Variants in PPP6R3 observed in about 807,000 individuals in gnomAD.
PPP6R3 encodes the protein protein phosphatase 6 regulatory subunit 3, also known as serine/threonine-protein phosphatase 6 regulatory subunit 3.
Under a neutral mutation model 110.7 loss-of-function variants are expected in PPP6R3, and 38 were observed. The ratio of observed to expected loss-of-function variants is 0.34; its 90% CI spans 0.26 to 0.45. The LOEUF is 0.45. PPP6R3 is among the 20% of genes least tolerant of loss of function. The pLI, the probability that PPP6R3 is intolerant of heterozygous loss-of-function variation, is 1.00. For missense variants in PPP6R3, 870 were observed against 1,062.4 expected, an observed-to-expected ratio of 0.82 and a Z score of 2.52; for synonymous variants, 369 against 373.5, an observed-to-expected ratio of 0.99 and a Z score of 0.14.
chr11:68,576,410 G>A (rs897701071), intron 14 of PPP6R3, among the ~76,000 whole-genome samples: 22 of 152,168 alleles, frequency 1.4e-4, no homozygotes, highest in African/African-American at 4.3e-4. Flanking sequence ...TTAGGAAAGC[G>A]AAAGATTCAG....
chr11:68,492,860 G>C (rs1327848028), intron 1 of PPP6R3, among the ~76,000 whole-genome samples: 2 of 152,126 alleles, frequency 1.3e-5, no homozygotes, highest in African/African-American at 4.8e-5. Flanking sequence ...AATCCAGGGA[G>C]GTTTTCTTTA....
intron 1 of PPP6R3, among the ~76,000 whole-genome samples, chr11:68,488,451 G>A (rs558000369): frequency 5.3e-4 from 80 of 152,256 alleles, no homozygotes; most frequent in Non-Finnish European, 5.9e-4. Flanking sequence ...TGGGATTATA[G>A]GTGTGAGCCC....
At chr11:68,531,713 C>T (rs1403474016) in intron 2 of PPP6R3, among the ~76,000 whole-genome samples, 1 of 152,156 alleles carries the variant, frequency 6.6e-6, no homozygotes, top group Admixed American at 6.5e-5. Context: ...TTCTGTTTGC[C>T]TGAGTGTGTG....
At chr11:68,485,466 T>C (rs1464728711) in intron 1 of PPP6R3, among the ~76,000 whole-genome samples, 3 of 152,174 alleles carry the variant, frequency 2.0e-5, no homozygotes, top group Non-Finnish European at 2.9e-5. Flanking sequence ...TTCCTGATCT[T>C]AGTGGGAAAG....
At chr11:68,473,223 G>A (rs1311992846) in intron 1 of PPP6R3, among the ~76,000 whole-genome samples, 1 of 152,214 alleles carries the variant, frequency 6.6e-6, no homozygotes, top group African/African-American at 2.4e-5. Context: ...CCAGCCTTCA[G>A]TGAGAGGAGA....
chr11:68,512,000 G>T (rs914950223), intron 1 of PPP6R3, among the ~76,000 whole-genome samples: 6 of 151,944 alleles, frequency 3.9e-5, no homozygotes, highest in African/African-American at 1.5e-4. Flanking sequence ...GTGTTACCTT[G>T]TTGCTCTCCT....
intron 1 of PPP6R3, among the ~76,000 whole-genome samples, chr11:68,515,403 C>A (rs539522954): frequency 6.6e-6 from 1 of 152,320 alleles, no homozygotes; most frequent in Admixed American, 6.5e-5. Context: ...ATGGCTGGGA[C>A]AAAGAACCAG....
Position 68,517,448 on chromosome 11 carries a change from C to G in PPP6R3, c.-157-2053C>G, listed in dbSNP as rs574937419. ...CTAAGACCTTCATTTTAAATTACATCCCCCACTAAAAGGAACCAAGACTCC... is the reference window on the plus strand; with the variant it reads ...CTAAGACCTTCATTTTAAATTACATGCCCCACTAAAAGGAACCAAGACTCC... On this transcript the variant is annotated intron_variant, in intron 1 of 23. Coordinates refer to ENST00000393800, the MANE Select transcript of PPP6R3 (RefSeq NM_001164161.2). Among the ~76,000 whole-genome samples the G allele has an allele frequency of 2.6e-5, 4 of 152,252 alleles. No homozygotes were observed. The South Asian group carries it at 8.3e-4, about 32-fold the overall frequency.
Position 68,595,206 on chromosome 11 carries a change from T to A in PPP6R3, c.1917-891T>A, listed in dbSNP as rs1167851058. On this transcript the variant is annotated intron_variant, in intron 18 of 23. Coordinates refer to ENST00000393800, the MANE Select transcript of PPP6R3 (RefSeq NM_001164161.2). ...AACACAATACATAAAAATAATTTTTTTTTTTTTTTTTTTTTTTTTTTTTTT... is the reference window on the plus strand; with the variant it reads ...AACACAATACATAAAAATAATTTTTATTTTTTTTTTTTTTTTTTTTTTTTT... Among the ~76,000 whole-genome samples the A allele has an allele frequency of 4.9e-5, 3 of 61,122 alleles. 1 individual carries two copies. The highest frequency in any genetic ancestry group is 2.5e-4 in the African/African-American group (2 of 8,048). 40.1% of individuals were successfully genotyped at this position (61,122 alleles called of 152,430 possible).
At chr11:68,535,857 TA>T (rs1250410738) in intron 2 of PPP6R3, among the ~76,000 whole-genome samples, 1 of 148,908 alleles carries the variant, frequency 6.7e-6, no homozygotes, top group Non-Finnish European at 1.5e-5. Flanking sequence ...TAATCCTAGC[TA>T]CTTGGGAGGC....
At chr11:68,571,224 T>C (rs1465146759) in intron 12 of PPP6R3, 120 bp downstream of exon 12, 2 of 1,286,992 alleles carry the variant, frequency 1.6e-6, no homozygotes, top group Non-Finnish European at 1.0e-6. Context: ...CATTTTACAA[T>C]TTAAACTTTT....
At chr11:68,536,138 A>G (rs923313307) in intron 2 of PPP6R3, among the ~76,000 whole-genome samples, 3 of 152,160 alleles carry the variant, frequency 2.0e-5, no homozygotes, top group Non-Finnish European at 4.4e-5. Flanking sequence ...CAGTGTTTAT[A>G]CTAGCAGTGT....
chr11:68,558,702 A>G, intron 8 of PPP6R3, 23 bp downstream of exon 8: 1 of 1,523,122 alleles, frequency 6.6e-7, no homozygotes, highest in Non-Finnish European at 9.1e-7. Flanking sequence ...TATATCTTAC[A>G]AAATGAACCA....
chr11:68,603,149 C>T (rs2099636879), intron 21 of PPP6R3, among the ~76,000 whole-genome samples, 193 bp from the exon 22 acceptor site: 1 of 148,338 alleles, frequency 6.7e-6, no homozygotes, highest in Non-Finnish European at 1.5e-5. Context: ...CATGAAACCC[C>T]TCTTTAGTGG....
intron 2 of PPP6R3, among the ~76,000 whole-genome samples, chr11:68,530,439 G>A (rs950445338): frequency 2.0e-5 from 3 of 152,202 alleles, no homozygotes; most frequent in African/African-American, 4.8e-5. Flanking sequence ...TTTCTTGTGT[G>A]TTTTCTTGGG....
intron 8 of PPP6R3, 117 bp from the exon 9 acceptor site, chr11:68,564,185 CT>C: frequency 1.5e-5 from 17 of 1,111,232 alleles, no homozygotes; most frequent in East Asian, 5.0e-5. Flanking sequence ...TTTTCCTAGC[CT>C]TTTTTCCCGC....
chr11:68,527,659 G>A (rs1159371046), intron 2 of PPP6R3, among the ~76,000 whole-genome samples: 1 of 152,202 alleles, frequency 6.6e-6, no homozygotes, highest in East Asian at 1.9e-4. Context: ...TTGAATCTCT[G>A]CTGTAGATAT....
At chr11:68,461,774 C>T (rs1012052566) in intron 1 of PPP6R3, among the ~76,000 whole-genome samples, 1 of 152,102 alleles carries the variant, frequency 6.6e-6, no homozygotes, top group African/African-American at 2.4e-5. Flanking sequence ...CAGGCGTTCC[C>T]TTTCATCCTC....
intron 16 of PPP6R3, among the ~76,000 whole-genome samples, chr11:68,588,751 C>CG (rs1471630350): frequency 7.2e-6 from 1 of 138,090 alleles, no homozygotes; most frequent in Non-Finnish European, 1.6e-5. Context: ...GGCCAAGACT[C>CG]GGTCTTTAAA....
Sources: gnomAD v4.1 joint callset for allele counts (sites outside exome capture counted in the v4.1 genomes callset) on GRCh38, gnomAD v4.1.1 for gene constraint, MANE v1.5 for transcripts, NCBI Gene and HGNC (gene_info 2026-07-23, HGNC 2026-07-21) for gene names.